The following DPYD variants were observed in gnomAD, a reference collection of about 807,000 sequenced individuals.
DPYD encodes the protein dihydropyrimidine dehydrogenase [NADP(+)].
DPYD carries 109 observed loss-of-function variants against 116.2 expected under a neutral mutation model. That is an observed-to-expected ratio of 0.94 (90% confidence interval 0.80 to 1.10). The LOEUF (loss-of-function observed/expected upper bound fraction) is 1.10. Ranked by LOEUF, DPYD falls within the 50% of genes least tolerant of loss-of-function variation. The probability of loss-of-function intolerance (pLI) is 0.00; values close to 1 mark genes in which losing one functional copy is unlikely to be tolerated. For synonymous variants in DPYD, 440 were observed against 432.0 expected, an observed-to-expected ratio of 1.02 and a Z score of -0.23; for missense variants, 1,302 against 1,254.5, an observed-to-expected ratio of 1.04 and a Z score of -0.57.
chr1:97,727,201 C>T (rs1270116241), intron 4 of DPYD, among the ~76,000 whole-genome samples: 1 of 151,560 alleles, frequency 6.6e-6, no homozygotes, highest in Non-Finnish European at 1.5e-5. Flanking sequence ...AAATGGGTAA[C>T]AGTCAAAATG....
intron 16 of DPYD, among the ~76,000 whole-genome samples, chr1:97,323,164 T>C (rs760395827): frequency 2.0e-5 from 3 of 149,568 alleles, no homozygotes; most frequent in Non-Finnish European, 4.4e-5. Flanking sequence ...TGTGTAAATA[T>C]ATATGTATAT....
chr1:97,149,838 C>A, intron 20 of DPYD, among the ~76,000 whole-genome samples: 1 of 152,202 alleles, frequency 6.6e-6, no homozygotes, highest in East Asian at 1.9e-4. Flanking sequence ...AACTTCATTG[C>A]ATCACATTTC....
At chr1:97,904,726 C>T (rs1673524191) in intron 1 of DPYD, among the ~76,000 whole-genome samples, 1 of 152,030 alleles carries the variant, frequency 6.6e-6, no homozygotes, top group Admixed American at 6.6e-5. Context: ...GGGAAAACTA[C>T]TCATTCTCTG....
At chr1:97,907,641 C>CGACTGGGG (rs1673705258) in intron 1 of DPYD, among the ~76,000 whole-genome samples, 1 of 152,004 alleles carries the variant, frequency 6.6e-6, no homozygotes, top group African/African-American at 2.4e-5. Flanking sequence ...TAGTTATCCC[C>CGACTGGGG]AGTCTCATTT....
At chr1:97,685,591 C>G (rs1321530020) in intron 7 of DPYD, among the ~76,000 whole-genome samples, 1 of 152,078 alleles carries the variant, frequency 6.6e-6, no homozygotes, top group East Asian at 1.9e-4. Context: ...TCTAGAAAGC[C>G]CCATTGATCA....
At position 97,573,748 on chromosome 1, in the gene DPYD, C is replaced by G. The variant is rs375966416; in HGVS notation, c.1339+12G>C. ...ACAATTGCATCACACATTTCAGCTC[C>G]CAGCACTGTACCTTTAGGATCACTC... On this transcript the variant is annotated intron_variant, in intron 11 of 22. Transcript: ENST00000370192. 6.2e-7 allele frequency: 1 copy of G among 1,613,168 alleles called. No homozygotes were observed. The highest frequency in any genetic ancestry group is 1.3e-5 in the African/African-American group (1 of 74,864).
intron 4 of DPYD, among the ~76,000 whole-genome samples, chr1:97,731,661 C>G (rs1317749937): frequency 6.6e-6 from 1 of 151,958 alleles, no homozygotes; most frequent in Admixed American, 6.6e-5. Context: ...GTGTCATTAG[C>G]TTTGCTGGGT....
chr1:97,212,357 G>GT (rs916970887), intron 19 of DPYD, among the ~76,000 whole-genome samples: 15 of 151,988 alleles, frequency 9.9e-5, no homozygotes, highest in Admixed American at 2.6e-4. Flanking sequence ...CATTTAGCAT[G>GT]TTTTTATACA....
intron 1 of DPYD, among the ~76,000 whole-genome samples, chr1:97,900,892 T>A (rs1025603026): frequency 6.6e-6 from 1 of 151,826 alleles, no homozygotes; most frequent in African/African-American, 2.4e-5. Context: ...AAACACCCTA[T>A]CTCTATTAAT....
At position 97,814,922 on chromosome 1, in the gene DPYD, GAA is replaced by G. The variant is rs1557982396; in HGVS notation, c.233+13190_233+13191del. ...CTGTCTCAAAAAAAAAAAAAAAAAA[GAA>G]AGAGAGAGGAAAGAAAGAAAGAAAG... On this transcript the variant is annotated intron_variant, in intron 3 of 22. Coordinates refer to ENST00000370192, the MANE Select transcript of DPYD (RefSeq NM_000110.4). Among the ~76,000 whole-genome samples, 48 of 5,182 alleles carry G rather than the reference GAA, an allele frequency of 9.3e-3. 2 individuals carry two copies. The highest frequency in any genetic ancestry group is 0.02 in the African/African-American group (48 of 2,400). The allele number at this position is 5,182 out of a possible 152,430, so 3.4% of individuals were successfully genotyped here.
At chr1:97,156,798 CT>C (rs1483131624) in intron 20 of DPYD, among the ~76,000 whole-genome samples, 3 of 151,910 alleles carry the variant, frequency 2.0e-5, no homozygotes, top group African/African-American at 7.3e-5. Context: ...AATCATGCTG[CT>C]ATAAAGACAC....
chr1:97,308,936 A>C (rs1166464136), intron 16 of DPYD, among the ~76,000 whole-genome samples: 2 of 151,918 alleles, frequency 1.3e-5, no homozygotes, highest in African/African-American at 4.8e-5. Context: ...AACAAAAAAC[A>C]ATTATTGACT....
chr1:97,450,313 A>G, intron 13 of DPYD, 90 bp from the exon 14 acceptor site: 1 of 1,412,180 alleles, frequency 7.1e-7, no homozygotes, highest in Non-Finnish European at 9.7e-7. Flanking sequence ...ACAATATTTT[A>G]TGAGGTCCCT....
intron 8 of DPYD, among the ~76,000 whole-genome samples, chr1:97,626,794 T>C (rs1656958263): frequency 6.6e-6 from 1 of 152,100 alleles, no homozygotes; most frequent in African/African-American, 2.4e-5. Context: ...ATGCTAAGTA[T>C]TTTCTCAGTG....
chr1:97,397,957 A>T (rs942297818), intron 14 of DPYD, among the ~76,000 whole-genome samples: 31 of 148,170 alleles, frequency 2.1e-4, no homozygotes, highest in Non-Finnish European at 3.2e-4. Context: ...TTTTTTTTTT[A>T]AATTATACTT....
At chr1:97,484,288 A>G (rs1678493083) in intron 13 of DPYD, among the ~76,000 whole-genome samples, 1 of 152,220 alleles carries the variant, frequency 6.6e-6, no homozygotes, top group Non-Finnish European at 1.5e-5. Flanking sequence ...TGGGTGACAG[A>G]GCAAGACTCC....
chr1:97,523,731 C>T (rs1363603295), intron 12 of DPYD, among the ~76,000 whole-genome samples: 1 of 152,038 alleles, frequency 6.6e-6, no homozygotes, highest in Non-Finnish European at 1.5e-5. Context: ...AATGTTCTTT[C>T]CTGCCGGTGT....
At chr1:97,915,838 G>A (rs1308373351) in intron 1 of DPYD, among the ~76,000 whole-genome samples, 1 of 152,108 alleles carries the variant, frequency 6.6e-6, no homozygotes, top group East Asian at 1.9e-4. Flanking sequence ...CTCCTCTTTA[G>A]CTGTATTGAA....
intron 2 of DPYD, among the ~76,000 whole-genome samples, chr1:97,835,745 T>G (rs992764070): frequency 6.6e-6 from 1 of 152,146 alleles, no homozygotes; most frequent in Admixed American, 6.5e-5. Flanking sequence ...TTTCAATATA[T>G]ATTGTGGAGT....
Sources: gnomAD v4.1 joint callset for allele counts (sites outside exome capture counted in the v4.1 genomes callset) on GRCh38, gnomAD v4.1.1 for gene constraint, MANE v1.5 for transcripts, NCBI Gene and HGNC (gene_info 2026-07-23, HGNC 2026-07-21) for gene names.